LINGO2: variants seen among roughly 807,000 people sequenced by gnomAD.
The protein encoded by LINGO2 is leucine-rich repeat and immunoglobulin-like domain-containing nogo receptor-interacting protein 2.
LINGO2 carries 14 observed loss-of-function variants against 30.6 expected under a neutral mutation model. The observed-to-expected ratio is 0.46, with a 90% confidence interval of 0.30 to 0.72. LINGO2 has a LOEUF of 0.72. LINGO2 is among the 30% of genes least tolerant of loss of function. The probability of loss-of-function intolerance (pLI) is 0.07; values close to 1 mark genes in which losing one functional copy is unlikely to be tolerated. For synonymous variants in LINGO2, 317 were observed against 288.5 expected, an observed-to-expected ratio of 1.10 and a Z score of -1.00; for missense variants, 729 against 751.7, an observed-to-expected ratio of 0.97 and a Z score of 0.35.
chr9:28,520,484 A>G (rs567023647), intron 1 of LINGO2, among the ~76,000 whole-genome samples: 17 of 151,876 alleles, frequency 1.1e-4, no homozygotes, highest in Non-Finnish European at 1.9e-4. Flanking sequence ...ATTTGTCCTT[A>G]TTGTCTTTGC....
chr9:28,088,402 A>G (rs17698529), intron 4 of LINGO2, among the ~76,000 whole-genome samples: 4,464 of 152,088 alleles, frequency 0.029, 131 homozygotes, highest in South Asian at 0.086. Context: ...TTGCCAGACT[A>G]CCCTGATAAA....
At chr9:28,192,575 G>C (rs1008132657) in intron 4 of LINGO2, among the ~76,000 whole-genome samples, 2 of 152,038 alleles carry the variant, frequency 1.3e-5, no homozygotes, top group Middle Eastern at 3.4e-3. Flanking sequence ...TAACCCACTG[G>C]CCTGGCTCTG....
At chr9:29,066,834 C>T in the LINGO2 span, among the ~76,000 whole-genome samples, 1 of 151,750 alleles carries the variant, frequency 6.6e-6, no homozygotes, top group Non-Finnish European at 1.5e-5. Context: ...TACTCTTTTG[C>T]TTTTGGAAAT....
At position 28,147,489 on chromosome 9, in the gene LINGO2, G is replaced by A. The variant is rs1827846303; in HGVS notation, c.-86-135084C>T. Among the ~76,000 whole-genome samples the A allele has an allele frequency of 6.6e-6, 1 of 152,336 alleles. No homozygotes were observed. Among genetic ancestry groups the A allele is most frequent in the South Asian group, 2.1e-4 (1 of 4,832 alleles). On this transcript the variant is annotated intron_variant, in intron 4 of 5. Coordinates refer to ENST00000379992, the Ensembl canonical transcript of LINGO2. This position sits in a 1 kb window ranked among gnomAD's most constrained non-coding sequence, Gnocchi z 4.7. ...CGGCAGCCATGGAGAAGGCGGGCCT[G>A]GCTCCAGGCAGCACAGAGGCACTGG...
At chr9:28,134,808 G>A (rs1039110013) in intron 4 of LINGO2, among the ~76,000 whole-genome samples, 6 of 152,192 alleles carry the variant, frequency 3.9e-5, no homozygotes, top group East Asian at 1.9e-4. Context: ...CAACAGAGCC[G>A]TTTCCGTTTA....
At chr9:28,848,470 T>A in the LINGO2 span, among the ~76,000 whole-genome samples, 1 of 141,514 alleles carries the variant, frequency 7.1e-6, no homozygotes, top group African/African-American at 2.6e-5. Flanking sequence ...TAAGGGTAAG[T>A]TTCAGACGCT....
At chr9:28,504,152 A>G (rs1225723883) in intron 1 of LINGO2, among the ~76,000 whole-genome samples, 1 of 151,928 alleles carries the variant, frequency 6.6e-6, no homozygotes, top group African/African-American at 2.4e-5. Flanking sequence ...ATATTTCATT[A>G]ATTCCTCAAC....
At chr9:28,552,737 C>A (rs1039343151) in intron 1 of LINGO2, among the ~76,000 whole-genome samples, 3 of 149,214 alleles carry the variant, frequency 2.0e-5, no homozygotes, top group Non-Finnish European at 4.5e-5. Context: ...CTGTGGGTTC[C>A]CTAATTTTAT....
chr9:28,877,662 G>C, the LINGO2 span, among the ~76,000 whole-genome samples: 1 of 152,154 alleles, frequency 6.6e-6, no homozygotes, highest in Non-Finnish European at 1.5e-5. Flanking sequence ...TAGCCTTGTA[G>C]TGTAGTTTGA....
the LINGO2 span, among the ~76,000 whole-genome samples, chr9:28,889,817 A>G: frequency 6.6e-6 from 1 of 151,936 alleles, no homozygotes; most frequent in African/African-American, 2.4e-5. Context: ...TTGACCAGGA[A>G]GGTGGTAATC....
intron 1 of LINGO2, among the ~76,000 whole-genome samples, chr9:28,630,701 T>G (rs1402772402): frequency 6.6e-6 from 1 of 152,096 alleles, no homozygotes. Flanking sequence ...CAAAGATATT[T>G]GAATGGCATT....
At chr9:28,548,561 A>C (rs1189732977) in intron 1 of LINGO2, among the ~76,000 whole-genome samples, 2 of 151,628 alleles carry the variant, frequency 1.3e-5, no homozygotes, top group Non-Finnish European at 2.9e-5. Context: ...AAAATTAGCC[A>C]GGTGTGCTGG....
chr9:28,513,120 C>CACAT (rs1820481945), intron 1 of LINGO2, among the ~76,000 whole-genome samples: 1 of 112,476 alleles, frequency 8.9e-6, no homozygotes, highest in African/African-American at 2.9e-5. Flanking sequence ...CACACACACA[C>CACAT]ACACACTTAG....
the LINGO2 span, among the ~76,000 whole-genome samples, chr9:29,143,193 T>C: frequency 1.3e-5 from 2 of 152,056 alleles, no homozygotes; most frequent in Non-Finnish European, 2.9e-5. Flanking sequence ...AAATATCACA[T>C]CTAGTGTTTA....
chr9:27,966,978 C>G (rs897924578), intron 5 of LINGO2, among the ~76,000 whole-genome samples: 3 of 152,048 alleles, frequency 2.0e-5, no homozygotes, highest in African/African-American at 7.2e-5. Flanking sequence ...ATCGATTGTT[C>G]CATGAAAAAC....
intron 4 of LINGO2, among the ~76,000 whole-genome samples, chr9:28,027,207 A>G (rs1823422261): frequency 1.3e-5 from 2 of 152,190 alleles, no homozygotes; most frequent in Non-Finnish European, 1.5e-5. Flanking sequence ...TTCATTCTTC[A>G]AACAACTTTA....
intron 4 of LINGO2, among the ~76,000 whole-genome samples, chr9:28,059,833 CTAAACAA>C (rs2133116881): frequency 6.6e-6 from 1 of 152,046 alleles, no homozygotes; most frequent in South Asian, 2.1e-4. Context: ...ATTGACGCTT[CTAAACAA>C]TGGTTTGTCC....
the LINGO2 span, among the ~76,000 whole-genome samples, chr9:29,045,031 G>A: frequency 9.2e-5 from 14 of 152,176 alleles, no homozygotes; most frequent in South Asian, 2.9e-3. Flanking sequence ...GATGTCAGAT[G>A]ATAAAATGCC....
chr9:28,897,545 G>C, the LINGO2 span, among the ~76,000 whole-genome samples: 1 of 152,028 alleles, frequency 6.6e-6, no homozygotes, highest in Admixed American at 6.6e-5. Context: ...GTTGTTGTTT[G>C]TTTGTTTTAC....
Sources: allele counts gnomAD v4.1 joint callset (sites outside exome capture counted in the v4.1 genomes callset), GRCh38; gene constraint gnomAD v4.1.1; non-coding constraint Gnocchi (gnomAD v3.1); transcripts MANE v1.5; gene names NCBI Gene and HGNC (gene_info 2026-07-23, HGNC 2026-07-21).